The following OSGEP variants were observed in gnomAD, a reference collection of about 807,000 sequenced individuals.
OSGEP encodes the protein tRNA N6-adenosine threonylcarbamoyltransferase.
Under a neutral mutation model 44.1 loss-of-function variants are expected in OSGEP, and 39 were observed. The ratio of observed to expected loss-of-function variants is 0.88; its 90% CI spans 0.69 to 1.16. The LOEUF is 1.16. OSGEP is among the 50% of genes most tolerant of loss of function. The pLI is 0.00. For synonymous variants in OSGEP, 139 were observed against 161.9 expected, an observed-to-expected ratio of 0.86 and a Z score of 1.07; for missense variants, 403 against 443.1, an observed-to-expected ratio of 0.91 and a Z score of 0.81.
In OSGEP at chr14:20,447,624, G is replaced by A. The variant is rs200195720; in HGVS notation, c.860C>T (p.Thr287Ile). The A allele has an allele frequency of 5.5e-5, 89 of 1,613,838 alleles. 1 individual carries two copies. In the Middle Eastern group the frequency reaches 9.9e-4, roughly 18 times the overall value. ...GGGAAAGTGTCTTTACCTCTCATCT[G>A]TAGCAAAAAGCCGGGCTCCACGTTC... ...CQERGARLFATDERFCIDNGA... is the reference protein window; with the variant it reads ...CQERGARLFAIDERFCIDNGA... Residue 287 changes from threonine (T) to isoleucine (I), a missense_variant, in exon 9 of 11, where the codon ACA becomes ATA. Transcript: ENST00000206542.
In OSGEP at chr14:20,447,246, C is replaced by T. The variant is rs775190942; in HGVS notation, c.1002G>A (p.Arg334=). 1 of 1,613,844 alleles carries T rather than the reference C, an allele frequency of 6.2e-7. No homozygotes were observed. The highest frequency in any genetic ancestry group is 2.2e-5 in the East Asian group (1 of 44,878). The change falls in exon 11 of 11, where the codon AGG becomes AGA. Residue 334 remains arginine (R), a synonymous_variant. Transcript: ENST00000206542. Reference sequence around the variant, plus strand: ...TCTGATTCTGTTGATCTTATTAGTCCCTCCAGGTCACCTCTACTTCATCTG... The same window carrying T: ...TCTGATTCTGTTGATCTTATTAGTCTCTCCAGGTCACCTCTACTTCATCTG... ...YRTDEVEVTW[R]D
chr14:20,447,593 A>G (rs748741937), intron 9 of OSGEP, 22 bp downstream of exon 9: 2 of 1,612,524 alleles, frequency 1.2e-6, no homozygotes, highest in East Asian at 2.2e-5. Flanking sequence ...TAAAAAAGAA[A>G]CCAAAGGGAA....
At chr14:20,447,395 A>G in intron 10 of OSGEP, 27 bp downstream of exon 10, 3 of 1,603,332 alleles carry the variant, frequency 1.9e-6, no homozygotes, top group Non-Finnish European at 2.6e-6. Flanking sequence ...CCAATAATCT[A>G]CCCTCACCAA....
At chr14:20,450,661 A>G (rs989640662) in intron 3 of OSGEP, 2 of 152,260 alleles carry the variant, frequency 1.3e-5, no homozygotes, top group Non-Finnish European at 2.9e-5. Context: ...CATGGGAAAC[A>G]TGTGCCTCAT....
In OSGEP at chr14:20,452,355, T is replaced by C. The variant is rs1005489270; in HGVS notation, c.209A>G (p.Asp70Gly). ...CTTGGTGTATGCAATGCAGTCGATA[T>C]CCTGGGAGGTTAATCCAGACTCTGT... ...ALTESGLTSQ[D>G]IDCIAYTKGP... The change falls in exon 2 of 11, where the codon GAT becomes GGT. Residue 70 changes from aspartate (D) to glycine (G), a missense_variant. Coordinates refer to ENST00000206542, the MANE Select transcript of OSGEP (RefSeq NM_017807.4). The C allele has an allele frequency of 3.1e-6, 5 of 1,613,876 alleles. No individual in the cohort carries two copies. Among genetic ancestry groups the C allele is most frequent in the Middle Eastern group, 3.3e-4 (2 of 6,006 alleles).
intron 1 of OSGEP, among the ~76,000 whole-genome samples, chr14:20,454,075 A>G (rs1296041815): frequency 6.6e-6 from 1 of 152,204 alleles, no homozygotes; most frequent in Non-Finnish European, 1.5e-5. Context: ...AAAATATTTA[A>G]TATGAATATA....
intron 8 of OSGEP, 80 bp from the exon 9 acceptor site, chr14:20,447,770 C>T (rs1880985520): frequency 7.7e-7 from 1 of 1,293,792 alleles, no homozygotes; most frequent in South Asian, 1.2e-5. Flanking sequence ...TGTGCACTCA[C>T]TTAGAACAAT....
intron 4 of OSGEP, 40 bp from the exon 5 acceptor site, chr14:20,449,053 G>C: frequency 6.4e-7 from 1 of 1,571,812 alleles, no homozygotes; most frequent in Non-Finnish European, 8.8e-7. Context: ...GAATGGAAGA[G>C]GATGAAATCA....
chr14:20,452,317 T>TC lies in OSGEP; in HGVS notation c.235+11dup. 2.5e-6 allele frequency: 4 copies of TC among 1,611,994 alleles called. No individual in the cohort carries two copies. The highest frequency in any genetic ancestry group is 2.5e-6 in the Non-Finnish European group (3 of 1,179,686). ...TATATTCCTCCATCGTTGACCACTC[T>TC]CCCAGCCATACCCTTGGTGTATGCA... On this transcript the variant is annotated intron_variant, in intron 2 of 10. Transcript: ENST00000206542.
At chr14:20,452,779 C>G (rs1465772447) in intron 1 of OSGEP, among the ~76,000 whole-genome samples, 2 of 151,060 alleles carry the variant, frequency 1.3e-5, no homozygotes, top group African/African-American at 4.9e-5. Context: ...GGCACGATCT[C>G]GGCTCACTGC....
rs772012075 is a variant in OSGEP, at chr14:20,449,247, T to A, written c.431A>T (p.His144Leu). ...GGTTTCCCCAAAGATACGGTAACGA[T>A]GTTCCGAGTATGCAATCACCTAAGG... Reference protein sequence around the residue: ...GNTQVIAYSEHRYRIFGETID... With the variant: ...GNTQVIAYSELRYRIFGETID... The change falls in exon 4 of 11, where the codon CAT becomes CTT. Residue 144 changes from histidine (H) to leucine (L), a missense_variant. Transcript: ENST00000206542. The A allele has an allele frequency of 6.2e-7, 1 of 1,610,044 alleles. No individual in the cohort carries two copies. The highest frequency in any genetic ancestry group is 8.5e-7 in the Non-Finnish European group (1 of 1,176,300).
intron 1 of OSGEP, 132 bp downstream of exon 1, chr14:20,454,437 G>A: frequency 2.6e-6 from 2 of 774,410 alleles, no homozygotes; most frequent in Admixed American, 1.8e-5. Flanking sequence ...TCAGCCTTGT[G>A]ACGTTAATAA....
At chr14:20,447,801 A>G in intron 8 of OSGEP, 103 bp downstream of exon 8, 1 of 1,207,238 alleles carries the variant, frequency 8.3e-7, no homozygotes, top group Non-Finnish European at 1.2e-6. Context: ...ATTAGGGGCA[A>G]GGATTGGGAA....
rs778931753 is a variant in OSGEP at position 20,448,991 on chromosome 14, C to G, written c.530G>C (p.Gly177Ala). The G allele has an allele frequency of 7.9e-5, 127 of 1,613,958 alleles. No homozygotes were observed. The highest frequency in any genetic ancestry group is 1.0e-4 in the Non-Finnish European group (123 of 1,179,990). ...CTTTGCCATCTGTTCAATGTTGTATCCTGGACTTGGGTCGTTAGAAATCTA... is the reference window on the plus strand; with the variant it reads ...CTTTGCCATCTGTTCAATGTTGTATGCTGGACTTGGGTCGTTAGAAATCTA... ...VLKISNDPSP[G>A]YNIEQMAKRG... The change falls in exon 5 of 11, where the codon GGA becomes GCA. Residue 177 changes from glycine to alanine, a missense_variant. By Grantham distance (60) the Gly-to-Ala change is moderately conservative (BLOSUM62 0). Coordinates refer to ENST00000206542, the MANE Select transcript of OSGEP (RefSeq NM_017807.4).
Position 20,454,773 on chromosome 14 carries a change from C to G in OSGEP, c.-90G>C, listed in dbSNP as rs1566511269. The G allele has an allele frequency of 3.1e-6, 3 of 955,426 alleles. No individual in the cohort carries two copies. The highest frequency in any genetic ancestry group is 4.8e-6 in the Non-Finnish European group (3 of 618,654). The allele number at this position is 955,426 out of a possible 1,614,324, so 59.2% of individuals were successfully genotyped here. The stretch of plus-strand genomic sequence containing the variant: ...CTAGTCCGCGCTGGGCCGCAGCTTT[C>G]CGGAGCGCAGAGGAAGCTGGCCAGC... On this transcript the variant is annotated 5_prime_UTR_variant, in exon 1 of 11. Transcript: ENST00000206542.
At chr14:20,452,235 G>T (rs1410265494) in intron 2 of OSGEP, 86 bp from the exon 3 acceptor site, 1 of 1,584,468 alleles carries the variant, frequency 6.3e-7, no homozygotes, top group Admixed American at 1.7e-5. Context: ...GTGGGGTAGG[G>T]GTAGTGATGG....
intron 3 of OSGEP, 129 bp from the exon 4 acceptor site, chr14:20,449,395 T>A (rs2139291261): frequency 1.5e-6 from 1 of 670,846 alleles, no homozygotes; most frequent in Non-Finnish European, 2.7e-6. Flanking sequence ...GAAAGGTGTT[T>A]CCCAAATGGT....
At position 20,447,008 on chromosome 14, in the gene OSGEP, C is replaced by T; in HGVS notation, c.*232G>A. On this transcript the variant is annotated 3_prime_UTR_variant, in exon 11 of 11. Transcript: ENST00000206542. The stretch of plus-strand genomic sequence containing the variant: ...CAGCAAGCTCCAACAAGAATTTATC[C>T]AGCACCAAATCTACATTGGTCCTGA... 2.2e-6 allele frequency: 1 copy of T among 458,410 alleles called. No homozygotes were observed. Among genetic ancestry groups the T allele is most frequent in the Non-Finnish European group, 3.9e-6 (1 of 258,352 alleles). 28.4% of individuals were successfully genotyped at this position (458,410 alleles called of 1,614,324 possible).
At chr14:20,448,510 G>T (rs776942700) in intron 6 of OSGEP, among the ~76,000 whole-genome samples, 15 of 151,786 alleles carry the variant, frequency 9.9e-5, no homozygotes, top group Non-Finnish European at 1.5e-4. Flanking sequence ...TGTAGACAGG[G>T]ATTTTTGTTT....
Sources: allele counts gnomAD v4.1 joint callset (sites outside exome capture counted in the v4.1 genomes callset), GRCh38; gene constraint gnomAD v4.1.1; transcripts MANE v1.5; gene names NCBI Gene and HGNC (gene_info 2026-07-23, HGNC 2026-07-21).